DSCAM: variants seen among roughly 807,000 people sequenced by gnomAD.
The protein encoded by DSCAM is DS cell adhesion molecule.
Under a neutral mutation model 217.7 loss-of-function variants are expected in DSCAM, and 47 were observed. The ratio of observed to expected loss-of-function variants is 0.22; its 90% CI spans 0.17 to 0.28. The LOEUF is 0.28. Ranked by LOEUF, DSCAM falls within the 10% of genes least tolerant of loss-of-function variation. The pLI, the probability that DSCAM is intolerant of heterozygous loss-of-function variation, is 1.00. For missense variants in DSCAM, 2,080 were observed against 2,618.3 expected, an observed-to-expected ratio of 0.79 and a Z score of 4.49; for synonymous variants, 1,056 against 1,015.3, an observed-to-expected ratio of 1.04 and a Z score of -0.76.
chr21:40,474,068 G>A (rs967807845), intron 3 of DSCAM, among the ~76,000 whole-genome samples: 5 of 152,072 alleles, frequency 3.3e-5, no homozygotes, highest in South Asian at 2.1e-4. Context: ...TGAGGCGGGC[G>A]GATCACCTGA....
chr21:40,338,255 C>G lies in DSCAM; in HGVS notation c.1629G>C (p.Leu543=), dbSNP rs1447834337. The G allele has an allele frequency of 1.2e-6, 2 of 1,614,230 alleles. No individual in the cohort carries two copies. The highest frequency in any genetic ancestry group is 1.7e-6 in the Non-Finnish European group (2 of 1,180,046). The change falls in exon 8 of 33, where the codon CTG becomes CTC. Residue 543 remains leucine (L), a synonymous_variant. Transcript: ENST00000400454. ...CCACTTGGCGGTGGTTGAAAGGAAGCAGGTTAGAGTTCTTGTACCATTTAA... is the reference window on the plus strand; with the variant it reads ...CCACTTGGCGGTGGTTGAAAGGAAGGAGGTTAGAGTTCTTGTACCATTTAA... The part of the protein sequence containing the change: ...YSIKWYKNSN[L]LPFNHRQVAF...
intron 3 of DSCAM, among the ~76,000 whole-genome samples, chr21:40,551,986 G>A (rs1481440758): frequency 6.6e-6 from 1 of 152,140 alleles, no homozygotes; most frequent in African/African-American, 2.4e-5. Flanking sequence ...TAAGGAGGCA[G>A]CTGATGTAAA....
At chr21:40,558,876 C>T (rs1420546089) in intron 3 of DSCAM, among the ~76,000 whole-genome samples, 1 of 152,098 alleles carries the variant, frequency 6.6e-6, no homozygotes, top group African/African-American at 2.4e-5. Flanking sequence ...ACTACGTATG[C>T]CAGGATGAAG....
intron 1 of DSCAM, among the ~76,000 whole-genome samples, chr21:40,725,140 CT>C (rs1555884017): frequency 2.0e-5 from 3 of 152,188 alleles, no homozygotes; most frequent in Non-Finnish European, 1.5e-5. Context: ...AGTATGACTT[CT>C]TTTGGCTTTC....
rs2074816469 is a variant in DSCAM, at chr21:40,364,996, T to C, written c.655+4103A>G. Among the ~76,000 whole-genome samples the C allele has an allele frequency of 2.7e-5, 4 of 150,538 alleles. No individual in the cohort carries two copies. In the South Asian group the frequency reaches 8.3e-4, roughly 31 times the overall value. ...ACTGAAAATAAAAATAAAAATAACATAAACATAATCACTTTTCACTTATCC... is the reference window on the plus strand; with the variant it reads ...ACTGAAAATAAAAATAAAAATAACACAAACATAATCACTTTTCACTTATCC... On this transcript the variant is annotated intron_variant, in intron 4 of 32. Coordinates refer to ENST00000400454, the MANE Select transcript of DSCAM (RefSeq NM_001389.5).
intron 1 of DSCAM, among the ~76,000 whole-genome samples, chr21:40,840,996 G>A (rs753236236): frequency 1.3e-5 from 2 of 152,138 alleles, no homozygotes; most frequent in East Asian, 1.9e-4. Context: ...CTCAGGCTTC[G>A]CACGCATTTC....
intron 10 of DSCAM, among the ~76,000 whole-genome samples, chr21:40,278,008 TA>T (rs1379287219): frequency 6.6e-6 from 1 of 152,122 alleles, no homozygotes; most frequent in Non-Finnish European, 1.5e-5. Flanking sequence ...AAAGTTGCTA[TA>T]ACTATAAAAT....
chr21:40,568,387 T>C (rs983592372), intron 3 of DSCAM, among the ~76,000 whole-genome samples: 1 of 152,216 alleles, frequency 6.6e-6, no homozygotes, highest in Non-Finnish European at 1.5e-5. Flanking sequence ...TCCAATATTC[T>C]GATTATACAA....
At chr21:40,472,490 T>C (rs903583498) in intron 3 of DSCAM, among the ~76,000 whole-genome samples, 3 of 152,192 alleles carry the variant, frequency 2.0e-5, no homozygotes, top group African/African-American at 7.2e-5. Flanking sequence ...TTAATGGAGG[T>C]ACACATGCAT....
intron 3 of DSCAM, among the ~76,000 whole-genome samples, chr21:40,669,399 T>C (rs990918055): frequency 6.6e-6 from 1 of 152,112 alleles, no homozygotes; most frequent in Non-Finnish European, 1.5e-5. Flanking sequence ...TCTCAACGTG[T>C]ACTCATTAAA....
At chr21:40,170,148 G>A (rs2090640365) in intron 15 of DSCAM, among the ~76,000 whole-genome samples, 2 of 152,188 alleles carry the variant, frequency 1.3e-5, no homozygotes, top group African/African-American at 2.4e-5. Flanking sequence ...CGGGACCCCT[G>A]GGTAGAGCCG....
intron 21 of DSCAM, among the ~76,000 whole-genome samples, chr21:40,091,788 A>T (rs932358375): frequency 6.6e-6 from 1 of 152,156 alleles, no homozygotes; most frequent in Admixed American, 6.5e-5. Context: ...GCAAGAGAGC[A>T]TGTGTGGTGG....
intron 1 of DSCAM, among the ~76,000 whole-genome samples, chr21:40,823,058 G>A (rs1175569724): frequency 6.6e-6 from 1 of 152,112 alleles, no homozygotes; most frequent in Non-Finnish European, 1.5e-5. Flanking sequence ...GCTGAGACAG[G>A]AGAATTGCTT....
intron 3 of DSCAM, among the ~76,000 whole-genome samples, chr21:40,474,752 A>C (rs2075919382): frequency 6.6e-6 from 1 of 152,220 alleles, no homozygotes; most frequent in Non-Finnish European, 1.5e-5. Flanking sequence ...GGTGAACTCA[A>C]GGTTTCTGCA....
chr21:40,614,826 A>G (rs1361538184), intron 3 of DSCAM, among the ~76,000 whole-genome samples: 1 of 152,200 alleles, frequency 6.6e-6, no homozygotes, highest in East Asian at 1.9e-4. Context: ...GTTTCAGAAG[A>G]ACATCAACAG....
intron 3 of DSCAM, among the ~76,000 whole-genome samples, chr21:40,474,120 A>G (rs2075912934): frequency 6.6e-6 from 1 of 151,914 alleles, no homozygotes; most frequent in African/African-American, 2.4e-5. Flanking sequence ...TGGTGAAACC[A>G]GTTCTCTACT....
intron 16 of DSCAM, among the ~76,000 whole-genome samples, chr21:40,150,452 A>T (rs1488869316): frequency 6.6e-6 from 1 of 152,258 alleles, no homozygotes; most frequent in Non-Finnish European, 1.5e-5. Flanking sequence ...TTAGAAATGC[A>T]TTTAAATTAA....
Position 40,057,379 on chromosome 21 carries a change from G to A in DSCAM, c.4920-1539C>T, listed in dbSNP as rs114778397. The stretch of plus-strand genomic sequence containing the variant: ...TGGTTACTTGGGGGGCTGCATTTAC[G>A]GCATGCTTAGACAAGCTATATTTCC... On this transcript the variant is annotated intron_variant, in intron 28 of 32. Transcript: ENST00000400454. Among the ~76,000 whole-genome samples, 637 of 152,228 alleles carry A rather than the reference G, an allele frequency of 4.2e-3. 4 individuals carry two copies. The highest frequency in any genetic ancestry group is 0.014 in the African/African-American group (599 of 41,542).
intron 10 of DSCAM, among the ~76,000 whole-genome samples, chr21:40,295,628 T>C (rs1318972831): frequency 2.0e-5 from 3 of 152,236 alleles, no homozygotes; most frequent in African/African-American, 7.2e-5. Flanking sequence ...ATATTATCTT[T>C]AACTTTCTAA....
Sources: allele counts gnomAD v4.1 joint callset (sites outside exome capture counted in the v4.1 genomes callset), GRCh38; gene constraint gnomAD v4.1.1; transcripts MANE v1.5; gene names NCBI Gene and HGNC (gene_info 2026-07-23, HGNC 2026-07-21).